BCAS3: variants seen among roughly 807,000 people sequenced by gnomAD.
BCAS3 encodes the protein BCAS4/BCAS3 fusion.
In BCAS3, 53 loss-of-function variants were observed where a neutral mutation model predicts 116.1. The ratio of observed to expected loss-of-function variants is 0.46; its 90% confidence interval spans 0.37 to 0.57. The LOEUF (loss-of-function observed/expected upper bound fraction) is 0.57, where lower values mean the gene tolerates loss of function less well. BCAS3 is among the 20% of genes least tolerant of loss of function. BCAS3 has a pLI of 0.00. For missense variants in BCAS3, 917 were observed against 1,165.4 expected (o/e 0.79, Z 3.10); for synonymous variants, 391 against 408.2 (o/e 0.96, Z 0.51).
At chr17:60,933,879 T>G (rs772625595) in intron 13 of BCAS3, among the ~76,000 whole-genome samples, 3 of 152,212 alleles carry the variant, frequency 2.0e-5, no homozygotes, top group Non-Finnish European at 2.9e-5. Flanking sequence ...GTTTCCATAG[T>G]AGGTTTGTAC....
chr17:61,238,081 T>C (rs2083202895), intron 22 of BCAS3, among the ~76,000 whole-genome samples: 1 of 152,186 alleles, frequency 6.6e-6, no homozygotes, highest in South Asian at 2.1e-4. Flanking sequence ...AGACAGAGTT[T>C]CACTTTTGTC....
At chr17:60,849,806 G>A (rs1207692299) in intron 7 of BCAS3, among the ~76,000 whole-genome samples, 2 of 152,064 alleles carry the variant, frequency 1.3e-5, no homozygotes, top group Non-Finnish European at 2.9e-5. Context: ...TCTGTCACTG[G>A]AGTACAGTGG....
rs764443776 is a variant in BCAS3, at chr17:61,368,335, G to A, written c.2434G>A (p.Asp812Asn). Residue 812 changes from aspartate (D) to asparagine (N), a missense_variant, in exon 23 of 24, where the codon GAC (aspartate) becomes AAC (asparagine). Asp to Asn is a conservative substitution (Grantham distance 23). This residue lies in a region of BCAS3 where 807 missense variants were observed against 1,026.0 expected (regional missense o/e 0.79). Coordinates refer to ENST00000407086, the MANE Select transcript of BCAS3 (RefSeq NM_017679.5). The surrounding 1 kb of genome is among the most constrained non-coding windows in gnomAD (Gnocchi z 6.0). ...TCCCGTGTGTGCCACAGGTACCTTT[G>A]ACAGGAGCGTGACCCTGCTGGAGGT... ...TVIDAASGTF[D>N]RSVTLLEVCG... 1.3e-6 allele frequency: 2 copies of A among 1,595,074 alleles called. No homozygotes were observed. The highest frequency in any genetic ancestry group is 1.7e-6 in the Non-Finnish European group (2 of 1,165,258).
At chr17:61,176,868 T>C (rs941732190) in intron 22 of BCAS3, among the ~76,000 whole-genome samples, 2 of 152,188 alleles carry the variant, frequency 1.3e-5, no homozygotes, top group Admixed American at 1.3e-4. Flanking sequence ...GGCCTCAATC[T>C]TTTATTTTTA....
rs2058115646 is a variant in BCAS3 at position 61,355,988 on chromosome 17, AT to A, written c.2426-12335del. Among the ~76,000 whole-genome samples the A allele has an allele frequency of 6.6e-6, 1 of 152,018 alleles. No homozygotes were observed. Among genetic ancestry groups the A allele is most frequent in the Admixed American group, 6.6e-5 (1 of 15,254 alleles). On this transcript the variant is annotated intron_variant, in intron 22 of 23. Transcript: ENST00000407086. This position sits in a 1 kb window ranked among gnomAD's most constrained non-coding sequence, Gnocchi z 4.2. Reference sequence around the variant, plus strand: ...CAGGCCAGAGCAGCCTACAGGAAACATTTTCTTTTTCTTTTCTCTTTTTTGA... The same window carrying A: ...CAGGCCAGAGCAGCCTACAGGAAACATTTCTTTTTCTTTTCTCTTTTTTGA...
intron 22 of BCAS3, among the ~76,000 whole-genome samples, chr17:61,295,148 G>A (rs1205218152): frequency 2.6e-5 from 4 of 152,186 alleles, no homozygotes; most frequent in Non-Finnish European, 4.4e-5. Flanking sequence ...CCCTTGGAGG[G>A]TATGCTCCCT....
At chr17:60,724,285 T>G (rs2039579827) in intron 5 of BCAS3, among the ~76,000 whole-genome samples, 1 of 150,946 alleles carries the variant, frequency 6.6e-6, no homozygotes, top group African/African-American at 2.4e-5. Context: ...TAGCTGGGCA[T>G]GATGGTGTGT....
intron 7 of BCAS3, among the ~76,000 whole-genome samples, chr17:60,813,292 G>T (rs545903671): frequency 7.4e-6 from 1 of 134,398 alleles, no homozygotes; most frequent in East Asian, 2.0e-4. Context: ...AGGTAACAAA[G>T]ATTTCTTAAA....
Position 61,088,164 on chromosome 17 carries a change from C to T in BCAS3, c.2425+3600C>T, listed in dbSNP as rs934243218. ...ACCAGTGCACTCTAGCCTGGGTGAC[C>T]GAGCAAGGCTCTGTCTCAAAAAGAC... is the stretch of plus-strand genomic sequence containing the variant. On this transcript the variant is annotated intron_variant, in intron 22 of 23. Coordinates refer to ENST00000407086, the MANE Select transcript of BCAS3 (RefSeq NM_017679.5). The surrounding 1 kb of genome is among the most constrained non-coding windows in gnomAD (Gnocchi z 4.2). Among the ~76,000 whole-genome samples, 7 of 151,986 alleles carry T rather than the reference C, an allele frequency of 4.6e-5. No individual in the cohort carries two copies. The highest frequency in any genetic ancestry group is 1.0e-4 in the Non-Finnish European group (7 of 67,984).
At chr17:60,710,506 A>ACTGCAAGCTCTGCCTCC (rs1176444730) in intron 5 of BCAS3, among the ~76,000 whole-genome samples, 1 of 146,818 alleles carries the variant, frequency 6.8e-6, no homozygotes, top group African/African-American at 2.5e-5. Context: ...ATCTCGGCTC[A>ACTGCAAGCTCTGCCTCC]CTGCAAGCTC....
At chr17:61,045,922 TA>T (rs1463030551) in intron 19 of BCAS3, among the ~76,000 whole-genome samples, 23 of 23,912 alleles carry the variant, frequency 9.6e-4, no homozygotes, top group Non-Finnish European at 8.8e-4. Flanking sequence ...TTTATATATA[TA>T]ATATATATAA....
At chr17:60,974,733 A>C (rs2145364034) in intron 14 of BCAS3, among the ~76,000 whole-genome samples, 1 of 152,322 alleles carries the variant, frequency 6.6e-6, no homozygotes, top group East Asian at 1.9e-4. Flanking sequence ...ATAAATTTGC[A>C]AAACATTTAA....
At chr17:61,133,840 C>G (rs2076467509) in intron 22 of BCAS3, among the ~76,000 whole-genome samples, 1 of 123,964 alleles carries the variant, frequency 8.1e-6, no homozygotes, top group Admixed American at 1.0e-4. Flanking sequence ...TTTCATTGGC[C>G]TGCAACTGCC....
chr17:61,044,465 A>AAAAAAAAAATATATATATATATATAT, intron 19 of BCAS3, among the ~76,000 whole-genome samples: 1 of 120,124 alleles, frequency 8.3e-6, no homozygotes, highest in African/African-American at 5.0e-5. Context: ...AAAAAAAAAA[A>AAAAAAAAAATATATATATATATATAT]ATATATATAT....
chr17:60,692,140 C>G (rs1367530053), intron 4 of BCAS3, among the ~76,000 whole-genome samples: 1 of 151,674 alleles, frequency 6.6e-6, no homozygotes. Flanking sequence ...AACAAAGAAA[C>G]AAAACAATAG....
rs12602051 is a variant in BCAS3, at chr17:60,945,404, C to A, written c.1088-1815C>A. On this transcript the variant is annotated intron_variant, in intron 13 of 23. Coordinates refer to ENST00000407086, the MANE Select transcript of BCAS3 (RefSeq NM_017679.5). ...ATGTTGAAAAAGGCAGGAAAAGGCT[C>A]ATTTTACCTGATTTCAAGATTTTCT... Among the ~76,000 whole-genome samples the A allele has an allele frequency of 2.9e-4, 44 of 152,256 alleles. No individual in the cohort carries two copies. The East Asian group carries it at 7.9e-3, about 27-fold the overall frequency.
chr17:61,042,083 G>A lies in BCAS3; in HGVS notation c.2029+1191G>A, dbSNP rs144215095. On this transcript the variant is annotated intron_variant, in intron 19 of 23. Transcript: ENST00000407086. ...GACGGGTGATATGTAAGTGGTTTTC[G>A]GGTTGATTCAAGAAGCAGTGCATAT... Among the ~76,000 whole-genome samples the A allele has an allele frequency of 4.4e-3, 664 of 152,062 alleles. 9 individuals are homozygous for A. Among genetic ancestry groups the A allele is most frequent in the African/African-American group, 0.015 (611 of 41,524 alleles).
In BCAS3 at chr17:60,740,498, C is replaced by CAAAA. The variant is rs774901641; in HGVS notation, c.322-6686_322-6683dup. Among the ~76,000 whole-genome samples the CAAAA allele has an allele frequency of 9.8e-3, 572 of 58,320 alleles. 5 individuals carry two copies. Among genetic ancestry groups the CAAAA allele is most frequent in the Middle Eastern group, 0.031 (3 of 98 alleles). The allele number at this position is 58,320 out of a possible 152,430, so 38.3% of individuals were successfully genotyped here. A position where few individuals can be genotyped will look rare whatever the true frequency, so the allele number is the denominator to read the frequency against. On this transcript the variant is annotated intron_variant, in intron 5 of 23. Transcript: ENST00000407086. ...TGGGTGACAGGGTGAGACCCTGTCTCAAAAAAAAAAAAAAAAAGAAAAAAG... is the reference window on the plus strand; with the variant it reads ...TGGGTGACAGGGTGAGACCCTGTCTCAAAAAAAAAAAAAAAAAAAAAGAAAAAAG...
In BCAS3 at chr17:60,990,502, T is replaced by G. The variant is rs1369316941; in HGVS notation, c.1486+267T>G. On this transcript the variant is annotated intron_variant, in intron 15 of 23. Coordinates refer to ENST00000407086, the MANE Select transcript of BCAS3 (RefSeq NM_017679.5). The surrounding 1 kb of genome is among the most constrained non-coding windows in gnomAD (Gnocchi z 5.1). ...ATGGAATATAAAACTTGGAACTATT[T>G]TTATAACTTCAGAGAACTGAACATC... Among the ~76,000 whole-genome samples, 1 of 152,212 alleles carries G rather than the reference T, an allele frequency of 6.6e-6. No homozygotes were observed. The highest frequency in any genetic ancestry group is 1.5e-5 in the Non-Finnish European group (1 of 68,034).
Sources: allele counts gnomAD v4.1 joint callset (sites outside exome capture counted in the v4.1 genomes callset), GRCh38; gene constraint gnomAD v4.1.1; regional missense constraint gnomAD v4.1.1; non-coding constraint Gnocchi (gnomAD v3.1); transcripts MANE v1.5; gene names NCBI Gene and HGNC (gene_info 2026-07-23, HGNC 2026-07-21).